SLC37A1: variants seen among roughly 807,000 people sequenced by gnomAD.
SLC37A1 encodes the protein solute carrier family 37 member 1, also known as glucose-6-phosphate exchanger SLC37A1.
SLC37A1 carries 49 observed loss-of-function variants against 75.3 expected under a neutral mutation model. That is an observed-to-expected ratio of 0.65 (90% CI 0.52 to 0.83). The LOEUF (loss-of-function observed/expected upper bound fraction) is 0.83, where lower values mean the gene tolerates loss of function less well. SLC37A1 is among the 40% of genes least tolerant of loss of function. SLC37A1 has a pLI of 0.00. For missense variants in SLC37A1, 566 were observed against 695.0 expected, an observed-to-expected ratio of 0.81 and a Z score of 2.09; for synonymous variants, 268 against 292.1, an observed-to-expected ratio of 0.92 and a Z score of 0.84.
rs566848077 is a variant in SLC37A1, at chr21:42,561,896, C to T, written c.982-182C>T. The stretch of plus-strand genomic sequence containing the variant: ...CTCGGGGTGAGCGCTCCACTGTTCC[C>T]GCGTCCTCACTACACCACACAGCGG... On this transcript the variant is annotated intron_variant, in intron 11 of 19. Transcript: ENST00000352133. 2.3e-4 allele frequency: 136 copies of T among 589,060 alleles called. 3 individuals carry two copies. The South Asian group carries it at 2.6e-3, about 11-fold the overall frequency. 36.5% of individuals were successfully genotyped at this position (589,060 alleles called of 1,614,324 possible). A position where few individuals can be genotyped will look rare whatever the true frequency, so the allele number is the denominator to read the frequency against.
intron 1 of SLC37A1, among the ~76,000 whole-genome samples, chr21:42,516,158 A>T (rs1670890060): frequency 6.6e-6 from 1 of 152,204 alleles, no homozygotes; most frequent in Non-Finnish European, 1.5e-5. Flanking sequence ...GTGACTTTTT[A>T]AAAAAGTATC....
intron 17 of SLC37A1, among the ~76,000 whole-genome samples, chr21:42,569,457 C>T (rs1024657796): frequency 3.3e-5 from 5 of 152,174 alleles, no homozygotes; most frequent in Non-Finnish European, 5.9e-5. Context: ...GGTCACACCC[C>T]GTGCCTGGGA....
Position 42,580,683 on chromosome 21 carries a change from G to GT in SLC37A1, c.*323_*324insT, listed in dbSNP as rs2056407246. On this transcript the variant is annotated 3_prime_UTR_variant, in exon 20 of 20. Transcript: ENST00000352133. ...CGCGTGACAACAAGGCCGGGAGGGTGGGGGGGGTGCACAGGTAGCCCCGAC... is the reference window on the plus strand; with the variant it reads ...CGCGTGACAACAAGGCCGGGAGGGTGTGGGGGGGTGCACAGGTAGCCCCGAC... 2.9e-6 allele frequency: 1 copy of GT among 339,734 alleles called. No individual in the cohort carries two copies. The allele number at this position is 339,734 out of a possible 1,614,324, so 21.0% of individuals were successfully genotyped here. A position where few individuals can be genotyped will look rare whatever the true frequency, so the allele number is the denominator to read the frequency against.
intron 18 of SLC37A1, among the ~76,000 whole-genome samples, chr21:42,577,832 G>A (rs1026486829): frequency 7.9e-5 from 12 of 152,174 alleles, no homozygotes; most frequent in Admixed American, 4.6e-4. Context: ...CTGGAATTCC[G>A]AAAAGACAAA....
At chr21:42,534,117 C>A (rs965325529) in intron 3 of SLC37A1, among the ~76,000 whole-genome samples, 1 of 152,162 alleles carries the variant, frequency 6.6e-6, no homozygotes, top group African/African-American at 2.4e-5. Flanking sequence ...CCACATTGTC[C>A]CCCTTTAGGT....
rs1298734875 is a variant in SLC37A1, at chr21:42,563,870, A to T, written c.1128A>T (p.Gly376=). Reference sequence around the variant, plus strand: ...TCTCCACCCTGTTTGACGTGGGCGGAATCTTTGGTGAGTTCATTAAGACTT... The same window carrying T: ...TCTCCACCCTGTTTGACGTGGGCGGTATCTTTGGTGAGTTCATTAAGACTT... ...GELSTLFDVG[G]IFGGILAGVI... Residue 376 remains glycine (G), a synonymous_variant, in exon 13 of 20, where the codon GGA becomes GGT. Coordinates refer to ENST00000352133, the MANE Select transcript of SLC37A1 (RefSeq NM_001320537.2). 6.2e-7 allele frequency: 1 copy of T among 1,614,160 alleles called. No homozygotes were observed. Among genetic ancestry groups the T allele is most frequent in the East Asian group, 2.2e-5 (1 of 44,880 alleles).
At chr21:42,532,900 A>G (rs951660958) in intron 3 of SLC37A1, among the ~76,000 whole-genome samples, 4 of 152,244 alleles carry the variant, frequency 2.6e-5, no homozygotes, top group Non-Finnish European at 5.9e-5. Flanking sequence ...TTTTGGGGAC[A>G]GTGTTTAATT....
chr21:42,533,872 C>T lies in SLC37A1; in HGVS notation c.139-826C>T, dbSNP rs78449608. ...GGCGATGGCTTTCCCCTCCTCCCAC[C>T]TCCCAGACAAGTGTCTCCAACCCTG... On this transcript the variant is annotated intron_variant, in intron 3 of 19. Coordinates refer to ENST00000352133, the MANE Select transcript of SLC37A1 (RefSeq NM_001320537.2). Among the ~76,000 whole-genome samples, 284 of 152,352 alleles carry T rather than the reference C, an allele frequency of 1.9e-3. 1 individual carries two copies. Among genetic ancestry groups the T allele is most frequent in the African/African-American group, 6.5e-3 (272 of 41,580 alleles).
upstream of SLC37A1, among the ~76,000 whole-genome samples, chr21:42,511,863 T>C (rs117408609): frequency 1.3e-5 from 2 of 151,742 alleles, no homozygotes; most frequent in African/African-American, 2.4e-5. Flanking sequence ...TCTGAAAAAC[T>C]TGAACTCAGA....
intron 3 of SLC37A1, among the ~76,000 whole-genome samples, chr21:42,527,258 C>T (rs534190088): frequency 4.6e-5 from 7 of 152,130 alleles, no homozygotes; most frequent in Non-Finnish European, 1.0e-4. Flanking sequence ...GTAAGGTGGG[C>T]TGGCCTTTGG....
At chr21:42,520,115 A>G (rs919117379) in intron 2 of SLC37A1, among the ~76,000 whole-genome samples, 4 of 152,192 alleles carry the variant, frequency 2.6e-5, no homozygotes, top group African/African-American at 9.7e-5. Context: ...TCTCTTATAA[A>G]ACCACAGCAA....
intron 2 of SLC37A1, among the ~76,000 whole-genome samples, chr21:42,521,158 C>T (rs112596872): frequency 0.012 from 1,780 of 152,264 alleles, 25 homozygotes; most frequent in Non-Finnish European, 0.02. Context: ...AAAGCAGGTT[C>T]CCAGAAATTC....
chr21:42,558,795 T>C (rs1450485769), intron 10 of SLC37A1, among the ~76,000 whole-genome samples, 163 bp from the exon 11 acceptor site: 5 of 152,224 alleles, frequency 3.3e-5, no homozygotes, highest in African/African-American at 1.2e-4. Context: ...ATGCTAATCA[T>C]TCTAACACAG....
intron 2 of SLC37A1, among the ~76,000 whole-genome samples, chr21:42,507,979 T>C (rs973147597): frequency 1.3e-5 from 2 of 152,044 alleles, no homozygotes; most frequent in Non-Finnish European, 2.9e-5. Flanking sequence ...GTAATTTCAT[T>C]CTCCCATCAG....
At chr21:42,523,013 G>A (rs1247787290) in intron 2 of SLC37A1, among the ~76,000 whole-genome samples, 1 of 152,224 alleles carries the variant, frequency 6.6e-6, no homozygotes, top group East Asian at 1.9e-4. Flanking sequence ...GTGTGTCGGG[G>A]CCTCAGCACT....
chr21:42,574,472 G>C (rs2056262470), intron 17 of SLC37A1, among the ~76,000 whole-genome samples: 1 of 152,136 alleles, frequency 6.6e-6, no homozygotes, highest in Non-Finnish European at 1.5e-5. Flanking sequence ...ACCAGAAGTG[G>C]TTATGTCTTT....
At chr21:42,555,167 T>C (rs1017036764) in intron 10 of SLC37A1, among the ~76,000 whole-genome samples, 8 of 152,138 alleles carry the variant, frequency 5.3e-5, no homozygotes, top group African/African-American at 1.9e-4. Flanking sequence ...TGTATTTTTT[T>C]AGTAGAGATG....
chr21:42,567,091 G>T, intron 16 of SLC37A1, 33 bp downstream of exon 16: 1 of 1,604,212 alleles, frequency 6.2e-7, no homozygotes, highest in Non-Finnish European at 8.5e-7. Flanking sequence ...CCAGCCCTGT[G>T]GGCACCCTGC....
chr21:42,546,588 C>T (rs535756140), intron 8 of SLC37A1, among the ~76,000 whole-genome samples: 1 of 152,314 alleles, frequency 6.6e-6, no homozygotes, highest in East Asian at 1.9e-4. Flanking sequence ...GTAGCGTTCA[C>T]GTTCACAGTG....
Sources: allele counts gnomAD v4.1 joint callset (sites outside exome capture counted in the v4.1 genomes callset), GRCh38; gene constraint gnomAD v4.1.1; transcripts MANE v1.5; gene names NCBI Gene and HGNC (gene_info 2026-07-23, HGNC 2026-07-21).